Variants in GULP1 observed in about 807,000 individuals in gnomAD.
GULP1 encodes the protein GULP PTB domain containing engulfment adaptor 1.
In GULP1, 19 loss-of-function variants were observed where a neutral mutation model predicts 40.9. That is an observed-to-expected ratio of 0.46 (90% CI 0.32 to 0.68). The LOEUF (loss-of-function observed/expected upper bound fraction) is 0.68, where lower values mean the gene tolerates loss of function less well. Among genes scored for constraint, GULP1 ranks in the 30% least tolerant of loss-of-function variants. The pLI is 0.03. For synonymous variants in GULP1, 119 were observed against 117.6 expected, an observed-to-expected ratio of 1.01 and a Z score of -0.08; for missense variants, 312 against 362.2, an observed-to-expected ratio of 0.86 and a Z score of 1.12.
chr2:188,338,995 T>C (rs1255427699), intron 1 of GULP1, among the ~76,000 whole-genome samples: 1 of 152,204 alleles, frequency 6.6e-6, no homozygotes, highest in East Asian at 1.9e-4. Flanking sequence ...TACAATGCTC[T>C]TTATGATGAC....
At chr2:188,390,964 C>T (rs2050439834) in intron 2 of GULP1, among the ~76,000 whole-genome samples, 1 of 151,938 alleles carries the variant, frequency 6.6e-6, no homozygotes, top group Non-Finnish European at 1.5e-5. Flanking sequence ...CTATTATGGT[C>T]CATTGGTCTA....
intron 6 of GULP1, among the ~76,000 whole-genome samples, chr2:188,540,632 T>C (rs1690227212): frequency 6.6e-6 from 1 of 151,902 alleles, no homozygotes; most frequent in Admixed American, 6.6e-5. Flanking sequence ...GGTTCAAGAG[T>C]GTATGAGTTA....
chr2:188,512,624 C>T (rs974318268), intron 4 of GULP1, among the ~76,000 whole-genome samples: 2 of 152,038 alleles, frequency 1.3e-5, no homozygotes, highest in African/African-American at 4.8e-5. Context: ...AGCAGATATT[C>T]TAAATGAGTC....
chr2:188,356,607 G>A (rs544358413), intron 1 of GULP1, among the ~76,000 whole-genome samples: 11 of 152,130 alleles, frequency 7.2e-5, no homozygotes, highest in African/African-American at 2.4e-4. Context: ...AAATGACCAT[G>A]CTATTCACAA....
At chr2:188,582,311 G>A (rs201422035) in intron 9 of GULP1, 130 of 467,672 alleles carry the variant, frequency 2.8e-4, no homozygotes, top group Non-Finnish European at 5.3e-4. Context: ...GCCCTCTTAG[G>A]ATATTTCTTT....
chr2:188,574,804 C>T (rs1699838817), intron 9 of GULP1, among the ~76,000 whole-genome samples: 1 of 152,092 alleles, frequency 6.6e-6, no homozygotes. Flanking sequence ...TAATATATTA[C>T]AGTCTTATTG....
At chr2:188,294,208 AT>A (rs1199538471) in intron 1 of GULP1, 1 of 152,210 alleles carries the variant, frequency 6.6e-6, no homozygotes, top group African/African-American at 2.4e-5. Context: ...AGCAGCAAGA[AT>A]TGAAGACTTA....
At chr2:188,593,410 T>G (rs375819174) in intron 11 of GULP1, 1 of 152,070 alleles carries the variant, frequency 6.6e-6, no homozygotes, top group South Asian at 2.1e-4. Context: ...GCAAGGCTAG[T>G]AGGGGAAGTT....
At chr2:188,531,288 A>G (rs897446462) in intron 6 of GULP1, among the ~76,000 whole-genome samples, 10 of 152,194 alleles carry the variant, frequency 6.6e-5, no homozygotes, top group African/African-American at 2.2e-4. Flanking sequence ...GGTAGGCCTC[A>G]TTTTCAAATT....
At chr2:188,316,004 A>G (rs189058529) in intron 1 of GULP1, among the ~76,000 whole-genome samples, 1 of 152,280 alleles carries the variant, frequency 6.6e-6, no homozygotes, top group East Asian at 1.9e-4. Context: ...AATTGCTGCT[A>G]TGAAAGATAA....
chr2:188,510,081 T>A (rs1441963957), intron 4 of GULP1, among the ~76,000 whole-genome samples: 3 of 152,088 alleles, frequency 2.0e-5, no homozygotes, highest in Non-Finnish European at 4.4e-5. Flanking sequence ...ATTTAAAGAA[T>A]CTTCTCTCCA....
intron 1 of GULP1, among the ~76,000 whole-genome samples, chr2:188,298,087 G>A (rs1415562172): frequency 6.6e-6 from 1 of 151,996 alleles, no homozygotes; most frequent in Non-Finnish European, 1.5e-5. Context: ...ATCTTTGAAG[G>A]TCAAACTACA....
chr2:188,303,698 A>T (rs941201660), intron 1 of GULP1, among the ~76,000 whole-genome samples: 4 of 152,238 alleles, frequency 2.6e-5, no homozygotes, highest in Non-Finnish European at 4.4e-5. Flanking sequence ...TGAAAGAGAC[A>T]TTAGAGAAGC....
chr2:188,508,589 C>T (rs1021997283), intron 4 of GULP1, among the ~76,000 whole-genome samples: 1 of 151,872 alleles, frequency 6.6e-6, no homozygotes, highest in African/African-American at 2.4e-5. Flanking sequence ...AGGACCCCAC[C>T]ATATTTGGAT....
intron 2 of GULP1, among the ~76,000 whole-genome samples, chr2:188,446,105 A>C (rs896522889): frequency 6.6e-6 from 1 of 152,144 alleles, no homozygotes; most frequent in Non-Finnish European, 1.5e-5. Context: ...GGGAGATATC[A>C]TCTCATCAGG....
Position 188,538,352 on chromosome 2 carries a change from A to C in GULP1, c.262-2829A>C, listed in dbSNP as rs749976439. Among the ~76,000 whole-genome samples the C allele has an allele frequency of 3.9e-5, 6 of 152,158 alleles. No individual in the cohort carries two copies. The South Asian group carries it at 1.2e-3, about 32-fold the overall frequency. Reference sequence around the variant, plus strand: ...GCTAATTTTTAAGAGCCCTACTTGAATTCTATTCCCAGAAGTGAGTTTTTA... The same window carrying C: ...GCTAATTTTTAAGAGCCCTACTTGACTTCTATTCCCAGAAGTGAGTTTTTA... On this transcript the variant is annotated intron_variant, in intron 6 of 11. Coordinates refer to ENST00000409830, the MANE Select transcript of GULP1 (RefSeq NM_016315.4).
intron 2 of GULP1, among the ~76,000 whole-genome samples, chr2:188,396,003 G>A (rs1312816065): frequency 6.6e-6 from 1 of 152,294 alleles, no homozygotes; most frequent in Non-Finnish European, 1.5e-5. Flanking sequence ...CCAGGGTGTT[G>A]CAGGCAACAG....
chr2:188,479,506 A>G (rs2061286449), intron 3 of GULP1, among the ~76,000 whole-genome samples: 1 of 152,100 alleles, frequency 6.6e-6, no homozygotes, highest in Non-Finnish European at 1.5e-5. Flanking sequence ...TCAAACTCCA[A>G]GCATCAAGTG....
chr2:188,416,004 GTTTT>G (rs2054533167), intron 2 of GULP1, among the ~76,000 whole-genome samples: 1 of 152,010 alleles, frequency 6.6e-6, no homozygotes, highest in Non-Finnish European at 1.5e-5. Context: ...AAGTTTGTTT[GTTTT>G]ATTTTTAACC....
Sources: allele counts gnomAD v4.1 joint callset (sites outside exome capture counted in the v4.1 genomes callset), GRCh38; gene constraint gnomAD v4.1.1; transcripts MANE v1.5; gene names NCBI Gene and HGNC (gene_info 2026-07-23, HGNC 2026-07-21).